Variants in CCNDBP1 observed in about 807,000 individuals in gnomAD.
CCNDBP1 encodes the protein cyclin D1 binding protein 1.
CCNDBP1 carries 45 observed loss-of-function variants against 46.2 expected under a neutral mutation model. The ratio of observed to expected loss-of-function variants is 0.97; its 90% confidence interval spans 0.77 to 1.25. The LOEUF is 1.25. Among genes scored for constraint, CCNDBP1 ranks in the 50% most tolerant of loss-of-function variants. The pLI, the probability that CCNDBP1 is intolerant of heterozygous loss-of-function variation, is 0.00. For missense variants in CCNDBP1, 436 were observed against 442.1 expected, an observed-to-expected ratio of 0.99 and a Z score of 0.12; for synonymous variants, 154 against 163.6, an observed-to-expected ratio of 0.94 and a Z score of 0.45.
Position 43,191,621 on chromosome 15 carries a change from A to G in CCNDBP1, c.806A>G (p.Asp269Gly), listed in dbSNP as rs114590161. The change falls in exon 8 of 11, where the codon GAT becomes GGT. Residue 269 changes from aspartate (D) to glycine (G), a missense_variant. Physicochemically the swap from Asp to Gly is moderately conservative, Grantham distance 94 (BLOSUM62 -1). Transcript: ENST00000300213. Reference protein sequence around the residue: ...RMLVAENGKKDQVAQLDDIVD... With the variant: ...RMLVAENGKKGQVAQLDDIVD... Reference sequence around the variant, plus strand: ...TTAGTGGCAGAGAATGGGAAGAAGGATCAGGTGGCACAGCTGGATGACATT... The same window carrying G: ...TTAGTGGCAGAGAATGGGAAGAAGGGTCAGGTGGCACAGCTGGATGACATT... 270 of 1,612,684 alleles carry G rather than the reference A, an allele frequency of 1.7e-4. 1 individual carries two copies. In the East Asian group the frequency reaches 5.4e-3, roughly 32 times the overall value.
At chr15:43,189,619 T>TG (rs1174273642) in intron 4 of CCNDBP1, 2 of 322,042 alleles carry the variant, frequency 6.2e-6, no homozygotes, top group Non-Finnish European at 5.7e-6. Context: ...CCTCCACCCA[T>TG]GTTATATCTC....
chr15:43,194,131 A>G (rs2042006250), intron 9 of CCNDBP1: 1 of 344,680 alleles, frequency 2.9e-6, no homozygotes, highest in Non-Finnish European at 5.2e-6. Flanking sequence ...ATTTGGGACC[A>G]ATTCAGGTTA....
At chr15:43,186,289 C>A in intron 3 of CCNDBP1, 56 bp downstream of exon 3, 1 of 1,402,522 alleles carries the variant, frequency 7.1e-7, no homozygotes, top group Non-Finnish European at 1.0e-6. Context: ...TAGGAATCCT[C>A]TAATTTTCTT....
In CCNDBP1 at chr15:43,185,841, C is replaced by T; in HGVS notation, c.131C>T (p.Thr44Ile). ...RVRVGEAQET[T>I]EEFNREMFWR... ...CAAGTCGGCGAAGCCCAGGAGACCA[C>T]CGAGGAGTTTAATCGAGAGATGTTC... The change falls in exon 2 of 11, where the codon ACC becomes ATC. Residue 44 changes from threonine (T) to isoleucine (I), a missense_variant. Thr to Ile is a moderately conservative substitution (Grantham distance 89). Transcript: ENST00000300213. 1 of 1,611,626 alleles carries T rather than the reference C, an allele frequency of 6.2e-7. No homozygotes were observed.
intron 3 of CCNDBP1, among the ~76,000 whole-genome samples, chr15:43,186,823 T>C (rs1156676859): frequency 6.6e-6 from 1 of 152,264 alleles, no homozygotes; most frequent in Non-Finnish European, 1.5e-5. Flanking sequence ...TATACATTCA[T>C]ATACATTTAT....
chr15:43,193,012 C>T (rs185723129), intron 9 of CCNDBP1: 5 of 563,484 alleles, frequency 8.9e-6, no homozygotes, highest in African/African-American at 7.5e-5. Context: ...GTAGTTCTCT[C>T]TTCCATAATC....
chr15:43,186,002 C>T (rs564954196), intron 2 of CCNDBP1, 123 bp downstream of exon 2: 9 of 1,172,158 alleles, frequency 7.7e-6, no homozygotes, highest in Middle Eastern at 1.9e-4. Flanking sequence ...TGTGAGGTAC[C>T]TTACCCACCT....
intron 9 of CCNDBP1, 27 bp downstream of exon 9, chr15:43,192,830 T>A (rs2041977650): frequency 1.9e-6 from 3 of 1,604,596 alleles, no homozygotes; most frequent in East Asian, 4.5e-5. Flanking sequence ...AGGGAATAGC[T>A]ACAGAACAAA....
intron 9 of CCNDBP1, chr15:43,194,046 CTTTTTTTTTTTTTTTTT>C (rs748207621): frequency 1.2e-4 from 6 of 50,286 alleles, no homozygotes; most frequent in Admixed American, 5.3e-4. Flanking sequence ...TCTTAATGCG[CTTTTTTTTTTTTTTTTT>C]TTTTTTTTTT....
Position 43,188,147 on chromosome 15 carries a change from A to G in CCNDBP1, c.250-1052A>G, listed in dbSNP as rs181118310. Among the ~76,000 whole-genome samples the G allele has an allele frequency of 1.6e-4, 24 of 152,352 alleles. No individual in the cohort carries two copies. In the East Asian group the frequency reaches 4.2e-3, roughly 27 times the overall value. On this transcript the variant is annotated intron_variant, in intron 3 of 10. Coordinates refer to ENST00000300213, the MANE Select transcript of CCNDBP1 (RefSeq NM_012142.5). ...GCTTATCTCATCCCTGACTGGTCAC[A>G]AACAGTTTGTAGACTGGCTCCAACC...
At chr15:43,189,105 G>GAAAGAAAAAAAAAAAAAAA in intron 3 of CCNDBP1, 94 bp from the exon 4 acceptor site, 1 of 237,156 alleles carries the variant, frequency 4.2e-6, no homozygotes, top group South Asian at 8.1e-5. Context: ...AAAAAAAAAA[G>GAAAGAAAAAAAAAAAAAAA]AAAAAGAAAG....
chr15:43,190,388 G>A lies in CCNDBP1; in HGVS notation c.492G>A (p.Gln164=). ...GGGTTGCGTGCCAGCAGATGCCTCA[G>A]ATACCAAGAGGTGAGTGAAAGTGGG... is the stretch of plus-strand genomic sequence containing the variant. The part of the protein sequence containing the change: ...SVWVACQQMP[Q]IPRDNKAAAL... The change falls in exon 6 of 11, where the codon CAG becomes CAA. Residue 164 remains glutamine, a synonymous_variant. Coordinates refer to ENST00000300213, the MANE Select transcript of CCNDBP1 (RefSeq NM_012142.5). 1 of 1,614,122 alleles carries A rather than the reference G, an allele frequency of 6.2e-7. No homozygotes were observed. The highest frequency in any genetic ancestry group is 8.5e-7 in the Non-Finnish European group (1 of 1,179,984).
At chr15:43,193,949 A>T (rs2042000139) in intron 9 of CCNDBP1, 1 of 258,096 alleles carries the variant, frequency 3.9e-6, no homozygotes, top group Admixed American at 5.0e-5. Flanking sequence ...TAGCAATTTT[A>T]AAATGTGTAC....
intron 8 of CCNDBP1, 26 bp from the exon 9 acceptor site, chr15:43,192,717 T>C (rs774870223): frequency 1.9e-6 from 3 of 1,611,820 alleles, no homozygotes; most frequent in Non-Finnish European, 2.5e-6. Context: ...TTTTTGTTAA[T>C]GATTACTTTT....
chr15:43,185,418 C>G lies in CCNDBP1; in HGVS notation c.-81C>G. ...GAAACGAGCCCTTGACGCTGTGGCCCGGAAGTGGAGCGGCTGTCGCAGTGC... is the reference window on the plus strand; with the variant it reads ...GAAACGAGCCCTTGACGCTGTGGCCGGGAAGTGGAGCGGCTGTCGCAGTGC... On this transcript the variant is annotated 5_prime_UTR_variant, in exon 1 of 11. Coordinates refer to ENST00000300213, the MANE Select transcript of CCNDBP1 (RefSeq NM_012142.5). The G allele has an allele frequency of 1.8e-6, 2 of 1,123,280 alleles. No individual in the cohort carries two copies. Among genetic ancestry groups the G allele is most frequent in the Non-Finnish European group, 2.6e-6 (2 of 770,268 alleles). The allele number at this position is 1,123,280 out of a possible 1,614,324, so 69.6% of individuals were successfully genotyped here.
At position 43,194,809 on chromosome 15, in the gene CCNDBP1, A is replaced by T; in HGVS notation, c.1051A>T (p.Lys351Ter). The change falls in exon 11 of 11, where the codon AAG (lysine) becomes TAG (stop). Residue 351 changes from lysine (K) to a stop codon, truncating the protein, a stop_gained. Coordinates refer to ENST00000300213, the MANE Select transcript of CCNDBP1 (RefSeq NM_012142.5). LOFTEE classifies it high-confidence loss of function. ...NAIDHCMNRI[K>*]ELTQSELEL ...CATTGATCATTGCATGAATAGAATC[A>T]AGGAGCTCACTCAGAGTGAACTTGA... 6.2e-7 allele frequency: 1 copy of T among 1,613,156 alleles called. No individual in the cohort carries two copies. The highest frequency in any genetic ancestry group is 8.5e-7 in the Non-Finnish European group (1 of 1,179,106).
At chr15:43,186,131 C>CCT (rs1289966781) in intron 2 of CCNDBP1, 23 bp from the exon 3 acceptor site, 1 of 1,609,056 alleles carries the variant, frequency 6.2e-7, no homozygotes, top group Non-Finnish European at 8.5e-7. Context: ...TTGGCACCTG[C>CCT]CTCCTCTTCG....
At position 43,196,270 on chromosome 15, in the gene CCNDBP1, T is replaced by G. The variant is rs918003726; in HGVS notation, c.*1429T>G. 1 of 147,504 alleles carries G rather than the reference T, an allele frequency of 6.8e-6. No homozygotes were observed. Among genetic ancestry groups the G allele is most frequent in the African/African-American group, 2.5e-5 (1 of 40,472 alleles). 9.1% of individuals were successfully genotyped at this position (147,504 alleles called of 1,614,324 possible). On this transcript the variant is annotated 3_prime_UTR_variant, in exon 11 of 11. Transcript: ENST00000300213. ...GGATAATGATCAGGGAAAGCACTGA[T>G]CAATGTAATTTTTTTTTTTTTTTTT...
chr15:43,195,676 A>G lies in CCNDBP1; in HGVS notation c.*835A>G, dbSNP rs918228162. ...TTTGCATCAGTCTAGAAGACTGCAT[A>G]TTGGAAAGCAGTGTAAATCTATAAT... On this transcript the variant is annotated 3_prime_UTR_variant, in exon 11 of 11. Coordinates refer to ENST00000300213, the MANE Select transcript of CCNDBP1 (RefSeq NM_012142.5). 8 of 152,228 alleles carry G rather than the reference A, an allele frequency of 5.3e-5. No homozygotes were observed. Among genetic ancestry groups the G allele is most frequent in the African/African-American group, 1.9e-4 (8 of 41,454 alleles). 9.4% of individuals were successfully genotyped at this position (152,228 alleles called of 1,614,324 possible).
Sources: gnomAD v4.1 joint callset for allele counts (sites outside exome capture counted in the v4.1 genomes callset) on GRCh38, gnomAD v4.1.1 for gene constraint, MANE v1.5 for transcripts, NCBI Gene and HGNC (gene_info 2026-07-23, HGNC 2026-07-21) for gene names.